Variants in TRHDE observed in about 807,000 individuals in gnomAD.
TRHDE encodes thyrotropin-releasing hormone-degrading ectoenzyme.
Under a neutral mutation model 125.7 loss-of-function variants are expected in TRHDE, and 72 were observed. That is an observed-to-expected ratio of 0.57 (90% CI 0.47 to 0.70). The LOEUF is 0.70. TRHDE is among the 30% of genes least tolerant of loss of function. TRHDE has a pLI of 0.00. For missense variants in TRHDE, 1,110 were observed against 1,327.1 expected, an observed-to-expected ratio of 0.84 and a Z score of 2.54; for synonymous variants, 509 against 509.1, an observed-to-expected ratio of 1.00 and a Z score of 0.00.
chr12:72,287,314 A>G (rs1052747029), intron 2 of TRHDE, among the ~76,000 whole-genome samples: 2 of 152,174 alleles, frequency 1.3e-5, no homozygotes, highest in Non-Finnish European at 2.9e-5. Flanking sequence ...ATTGTAATGT[A>G]TTTGAAATGT....
chr12:72,164,927 C>T (rs2139330990), intron 2 of TRHDE, among the ~76,000 whole-genome samples: 1 of 152,294 alleles, frequency 6.6e-6, no homozygotes, highest in African/African-American at 2.4e-5. Flanking sequence ...GGGGCACCTG[C>T]CATACAGGGT....
In TRHDE at chr12:72,664,113, A is replaced by C. The variant is rs1725140811; in HGVS notation, c.*918A>C. ...TATTCTGCTACATGAAGATGAATACAAACAAAATTTTTGTATAAACTACTA... is the reference window on the plus strand; with the variant it reads ...TATTCTGCTACATGAAGATGAATACCAACAAAATTTTTGTATAAACTACTA... On this transcript the variant is annotated 3_prime_UTR_variant, in exon 19 of 19. Coordinates refer to ENST00000261180, the MANE Select transcript of TRHDE (RefSeq NM_013381.3). 6.6e-6 allele frequency: 1 copy of C among 152,154 alleles called. No individual in the cohort carries two copies. 9.4% of individuals were successfully genotyped at this position (152,154 alleles called of 1,614,324 possible).
chr12:72,402,708 A>T (rs1159818950), intron 3 of TRHDE, among the ~76,000 whole-genome samples: 1 of 152,192 alleles, frequency 6.6e-6, no homozygotes, highest in Non-Finnish European at 1.5e-5. Flanking sequence ...CCACAATTAC[A>T]TACATAAAAA....
intron 2 of TRHDE, among the ~76,000 whole-genome samples, chr12:72,302,681 A>G (rs568080058): frequency 3.3e-5 from 5 of 152,256 alleles, no homozygotes; most frequent in Admixed American, 6.5e-5. Flanking sequence ...TTGAATGACT[A>G]TAGGCAGACA....
intron 12 of TRHDE, among the ~76,000 whole-genome samples, chr12:72,579,435 AG>A (rs894664046): frequency 2.0e-5 from 3 of 152,156 alleles, no homozygotes; most frequent in Non-Finnish European, 4.4e-5. Context: ...TAAAAACAAA[AG>A]ATTAAAAACC....
chr12:72,500,429 G>C (rs1416507613), intron 6 of TRHDE, among the ~76,000 whole-genome samples: 1 of 151,964 alleles, frequency 6.6e-6, no homozygotes, highest in Non-Finnish European at 1.5e-5. Context: ...GTCTCACTCT[G>C]TCGCCAGGCT....
chr12:72,124,032 C>G (rs952213893), intron 2 of TRHDE, among the ~76,000 whole-genome samples: 6 of 152,090 alleles, frequency 3.9e-5, no homozygotes, highest in African/African-American at 1.4e-4. Flanking sequence ...TGCTGTTGTA[C>G]AGGCATATAA....
At chr12:72,421,781 C>T (rs868382845) in intron 3 of TRHDE, among the ~76,000 whole-genome samples, 56 of 152,262 alleles carry the variant, frequency 3.7e-4, no homozygotes, top group African/African-American at 1.3e-3. Flanking sequence ...ACCTGCAAGT[C>T]ACTTCTTGAT....
chr12:72,487,748 C>T (rs1877479180), intron 5 of TRHDE, among the ~76,000 whole-genome samples: 1 of 152,008 alleles, frequency 6.6e-6, no homozygotes, highest in East Asian at 1.9e-4. Flanking sequence ...AATACTTCAA[C>T]ATAGTGACGG....
At chr12:72,183,299 A>G (rs77615373) in intron 2 of TRHDE, among the ~76,000 whole-genome samples, 2,202 of 152,338 alleles carry the variant, frequency 0.014, 29 homozygotes, top group South Asian at 0.043. Context: ...TTTGATATTT[A>G]AAAGGTTTAG....
chr12:72,371,094 C>T (rs576353688), intron 2 of TRHDE, among the ~76,000 whole-genome samples: 59 of 152,120 alleles, frequency 3.9e-4, no homozygotes, highest in Admixed American at 1.0e-3. Flanking sequence ...AATCCCTTTA[C>T]GGTCACTTAT....
intron 6 of TRHDE, among the ~76,000 whole-genome samples, chr12:72,535,679 T>C (rs531294287): frequency 1.3e-5 from 2 of 151,984 alleles, no homozygotes; most frequent in African/African-American, 2.4e-5. Context: ...AGCTATCATA[T>C]TATTATGGAA....
intron 2 of TRHDE, among the ~76,000 whole-genome samples, chr12:72,364,978 C>T (rs1206495543): frequency 6.6e-6 from 1 of 152,056 alleles, no homozygotes; most frequent in Non-Finnish European, 1.5e-5. Context: ...CAATTTTCTA[C>T]AAAAGAGGTA....
At chr12:72,397,811 T>G (rs955847367) in intron 3 of TRHDE, among the ~76,000 whole-genome samples, 2 of 152,200 alleles carry the variant, frequency 1.3e-5, no homozygotes, top group Non-Finnish European at 2.9e-5. Flanking sequence ...TTTGGCATTT[T>G]TTAAATTAAT....
chr12:72,216,705 A>G (rs533905267), intron 2 of TRHDE, among the ~76,000 whole-genome samples: 1 of 152,322 alleles, frequency 6.6e-6, no homozygotes, highest in African/African-American at 2.4e-5. Context: ...CCAAACAAAT[A>G]TCATTTTTAT....
intron 15 of TRHDE, among the ~76,000 whole-genome samples, chr12:72,638,312 G>T (rs1474827986): frequency 2.0e-5 from 3 of 151,640 alleles, no homozygotes; most frequent in Non-Finnish European, 4.4e-5. Flanking sequence ...TTTTATCAGA[G>T]ACTAGGATTG....
intron 12 of TRHDE, among the ~76,000 whole-genome samples, chr12:72,576,050 T>A (rs1198068673): frequency 6.6e-6 from 1 of 152,148 alleles, no homozygotes; most frequent in African/African-American, 2.4e-5. Flanking sequence ...TATAGTAATA[T>A]TTGTGTTATT....
At chr12:72,601,865 C>A (rs971657985) in intron 12 of TRHDE, among the ~76,000 whole-genome samples, 2 of 152,076 alleles carry the variant, frequency 1.3e-5, no homozygotes, top group Admixed American at 6.6e-5. Flanking sequence ...AAATTTGTGA[C>A]TTTCTTTCTT....
At chr12:72,538,621 C>G (rs2135983739) in intron 6 of TRHDE, among the ~76,000 whole-genome samples, 1 of 152,052 alleles carries the variant, frequency 6.6e-6, no homozygotes, top group Admixed American at 6.6e-5. Context: ...TGTGGTTGAA[C>G]TTGCCCTCTG....
Sources: gnomAD v4.1 joint callset for allele counts (sites outside exome capture counted in the v4.1 genomes callset) on GRCh38, gnomAD v4.1.1 for gene constraint, MANE v1.5 for transcripts, NCBI Gene and HGNC (gene_info 2026-07-23, HGNC 2026-07-21) for gene names.